CDK14: variants seen among roughly 807,000 people sequenced by gnomAD.
The protein encoded by CDK14 is cyclin-dependent kinase 14.
CDK14 carries 34 observed loss-of-function variants against 60.7 expected under a neutral mutation model. The observed-to-expected ratio is 0.56, with a 90% confidence interval of 0.43 to 0.75. The LOEUF (loss-of-function observed/expected upper bound fraction) is 0.75, where lower values mean the gene tolerates loss of function less well. CDK14 is among the 30% of genes least tolerant of loss of function. The pLI, the probability that CDK14 is intolerant of heterozygous loss-of-function variation, is 0.00. For synonymous variants in CDK14, 197 were observed against 203.7 expected (o/e 0.97, Z 0.28); for missense variants, 482 against 564.1 (o/e 0.85, Z 1.47).
In CDK14 at chr7:90,926,946, C is replaced by T. The variant is rs931252749; in HGVS notation, c.826+9222C>T. Among the ~76,000 whole-genome samples the T allele has an allele frequency of 5.9e-5, 9 of 152,094 alleles. 1 individual carries two copies. The South Asian group carries it at 1.7e-3, about 28-fold the overall frequency. ...ACATTTGCTTATATTTTCTGGTTGACTATAAAGGATACAACTGGGGAACAG... is the reference window on the plus strand; with the variant it reads ...ACATTTGCTTATATTTTCTGGTTGATTATAAAGGATACAACTGGGGAACAG... On this transcript the variant is annotated intron_variant, in intron 8 of 14. Transcript: ENST00000380050.
At chr7:91,057,687 G>C (rs537598330) in intron 11 of CDK14, among the ~76,000 whole-genome samples, 155 of 152,128 alleles carry the variant, frequency 1.0e-3, no homozygotes, top group Middle Eastern at 6.8e-3. Context: ...TCTTCTTTTT[G>C]TCAGGTTTGT....
chr7:91,003,096 A>G (rs1196205783), intron 10 of CDK14, among the ~76,000 whole-genome samples: 1 of 152,130 alleles, frequency 6.6e-6, no homozygotes, highest in African/African-American at 2.4e-5. Context: ...AACAGATGCA[A>G]TCTATCTAAG....
chr7:90,808,950 G>A (rs1788977119), intron 5 of CDK14, among the ~76,000 whole-genome samples: 2 of 152,142 alleles, frequency 1.3e-5, no homozygotes, highest in African/African-American at 4.8e-5. Flanking sequence ...ACCCAATACA[G>A]AAGCACCCAG....
At chr7:90,883,472 G>A (rs1031392304) in intron 6 of CDK14, among the ~76,000 whole-genome samples, 3 of 151,974 alleles carry the variant, frequency 2.0e-5, no homozygotes, top group Non-Finnish European at 4.4e-5. Flanking sequence ...CAAAAGCCCC[G>A]GACCAGATGG....
In CDK14 at chr7:91,018,978, A is replaced by G. The variant is rs75553117; in HGVS notation, c.1042-26919A>G. On this transcript the variant is annotated intron_variant, in intron 10 of 14. Transcript: ENST00000380050. ...ATGGCTTAATCGCCTCTCAAAGGCC[A>G]AATCTCCTAATACCATCACATTGGG... Among the ~76,000 whole-genome samples, 167 of 152,338 alleles carry G rather than the reference A, an allele frequency of 1.1e-3. No individual in the cohort carries two copies. In the East Asian group the frequency reaches 0.029, roughly 26 times the overall value.
intron 14 of CDK14, among the ~76,000 whole-genome samples, chr7:91,166,563 A>C (rs1801353123): frequency 6.6e-6 from 1 of 152,160 alleles, no homozygotes; most frequent in East Asian, 1.9e-4. Flanking sequence ...AAGATTTTTA[A>C]ATGTGTTTAA....
chr7:90,897,628 A>G (rs1792379813), intron 6 of CDK14, among the ~76,000 whole-genome samples: 1 of 152,096 alleles, frequency 6.6e-6, no homozygotes, highest in African/African-American at 2.4e-5. Flanking sequence ...GGATGGTGTT[A>G]TCCTTATTTA....
chr7:90,883,606 C>T (rs1456715888), intron 6 of CDK14, among the ~76,000 whole-genome samples: 1 of 152,108 alleles, frequency 6.6e-6, no homozygotes, highest in African/African-American at 2.4e-5. Context: ...GCATCATCCT[C>T]ATAACAAAAC....
chr7:90,664,601 A>G (rs1211849823), intron 2 of CDK14, among the ~76,000 whole-genome samples: 3 of 152,216 alleles, frequency 2.0e-5, no homozygotes, highest in Non-Finnish European at 4.4e-5. Flanking sequence ...ATGGAATACT[A>G]TGCAGCCATA....
At chr7:90,955,358 AC>A (rs1440444277) in intron 8 of CDK14, among the ~76,000 whole-genome samples, 3 of 152,088 alleles carry the variant, frequency 2.0e-5, no homozygotes, top group South Asian at 2.1e-4. Context: ...TGACCAAGGA[AC>A]CCTTTCTCAC....
In CDK14 at chr7:90,899,353, G is replaced by T; in HGVS notation, c.702G>T (p.Lys234Asn). ...HPGGLHPDNV[K>N]LFLFQLLRGL... ...GGGGGCTGCATCCAGATAATGTGAA[G>T]GTAGGAAAAGATCTTTTTAAGCCAA... The change falls in exon 7 of 15, where the codon AAG (lysine) becomes AAT (asparagine). Residue 234 changes from lysine (K) to asparagine (N), a missense_variant and splice_region_variant. Physicochemically the swap from Lys to Asn is moderately conservative, Grantham distance 94. Coordinates refer to ENST00000380050, the MANE Select transcript of CDK14 (RefSeq NM_001287135.2). The T allele has an allele frequency of 6.3e-7, 1 of 1,592,544 alleles. No homozygotes were observed. The highest frequency in any genetic ancestry group is 1.2e-5 in the South Asian group (1 of 86,738).
At chr7:91,175,405 G>T (rs1375654602) in intron 14 of CDK14, among the ~76,000 whole-genome samples, 1 of 151,380 alleles carries the variant, frequency 6.6e-6, no homozygotes, top group Non-Finnish European at 1.5e-5. Context: ...ATCAACTAAC[G>T]AGCAAAATAA....
intron 8 of CDK14, among the ~76,000 whole-genome samples, chr7:90,948,794 T>C (rs1794171222): frequency 6.6e-6 from 1 of 152,214 alleles, no homozygotes. Context: ...CTAGAAAGCT[T>C]AAGTCACTTA....
intron 5 of CDK14, among the ~76,000 whole-genome samples, chr7:90,850,314 C>G (rs1171436762): frequency 1.3e-5 from 2 of 152,138 alleles, no homozygotes; most frequent in African/African-American, 2.4e-5. Context: ...CTTGTTCATG[C>G]ATGCGTTATT....
intron 2 of CDK14, among the ~76,000 whole-genome samples, chr7:90,611,278 G>A (rs758002165): frequency 1.3e-5 from 2 of 152,152 alleles, no homozygotes; most frequent in African/African-American, 2.4e-5. Flanking sequence ...CTGATTGAGT[G>A]GTTGATGTAC....
chr7:90,928,356 A>G (rs545142596), intron 8 of CDK14, among the ~76,000 whole-genome samples: 37 of 152,186 alleles, frequency 2.4e-4, no homozygotes, highest in Admixed American at 1.8e-3. Flanking sequence ...GTGTGGTTTT[A>G]TCTACCTTTG....
chr7:90,995,262 A>G (rs1339715974), intron 10 of CDK14, among the ~76,000 whole-genome samples: 1 of 152,184 alleles, frequency 6.6e-6, no homozygotes, highest in African/African-American at 2.4e-5. Context: ...AGGGGCCCTC[A>G]TATCAAGGAA....
chr7:91,048,613 G>T (rs1248238450), intron 11 of CDK14, among the ~76,000 whole-genome samples: 1 of 152,174 alleles, frequency 6.6e-6, no homozygotes, highest in Non-Finnish European at 1.5e-5. Context: ...AGTATCTGTT[G>T]TCTCTGTTGC....
At chr7:90,881,113 G>T (rs112387209) in intron 6 of CDK14, among the ~76,000 whole-genome samples, 9,465 of 152,254 alleles carry the variant, frequency 0.062, 414 homozygotes, top group South Asian at 0.093. Context: ...GACAGAAGTA[G>T]GCTTCAGAAG....
Sources: gnomAD v4.1 joint callset for allele counts (sites outside exome capture counted in the v4.1 genomes callset) on GRCh38, gnomAD v4.1.1 for gene constraint, MANE v1.5 for transcripts, NCBI Gene and HGNC (gene_info 2026-07-23, HGNC 2026-07-21) for gene names.